SVOPL: variants seen among roughly 807,000 people sequenced by gnomAD.
The protein encoded by SVOPL is SVOP like, also known as putative transporter SVOPL.
In SVOPL, 60 loss-of-function variants were observed where a neutral mutation model predicts 61.0. The ratio of observed to expected loss-of-function variants is 0.98; its 90% CI spans 0.80 to 1.22. The LOEUF (loss-of-function observed/expected upper bound fraction) is 1.22, where lower values mean the gene tolerates loss of function less well. SVOPL is among the 50% of genes most tolerant of loss of function. SVOPL has a pLI of 0.00. For missense variants in SVOPL, 662 were observed against 643.9 expected (o/e 1.03, Z -0.30); for synonymous variants, 279 against 250.0 (o/e 1.12, Z -1.09).
intron 12 of SVOPL, 89 bp downstream of exon 12, chr7:138,627,261 C>A: frequency 1.0e-6 from 1 of 973,870 alleles, no homozygotes; most frequent in Non-Finnish European, 1.6e-6. Context: ...GTGAAAGTGA[C>A]TTGTCCCTGA....
At chr7:138,608,339 TA>T (rs1296458931) in intron 14 of SVOPL, among the ~76,000 whole-genome samples, 1 of 152,040 alleles carries the variant, frequency 6.6e-6, no homozygotes, top group Non-Finnish European at 1.5e-5. Flanking sequence ...ATTAGAGTAA[TA>T]AAAAGAACAT....
chr7:138,624,890 T>C (rs900653586), intron 13 of SVOPL, among the ~76,000 whole-genome samples: 1 of 151,916 alleles, frequency 6.6e-6, no homozygotes. Context: ...TTTGTGGAGA[T>C]GGCATTTTGG....
chr7:138,627,168 C>CT (rs1799928455), intron 12 of SVOPL, among the ~76,000 whole-genome samples, 182 bp downstream of exon 12: 1 of 152,092 alleles, frequency 6.6e-6, no homozygotes. Context: ...AAGATGGGGT[C>CT]TGTAGGAAGA....
At chr7:138,686,496 G>A (rs957436514) in intron 1 of SVOPL, among the ~76,000 whole-genome samples, 3 of 149,774 alleles carry the variant, frequency 2.0e-5, no homozygotes, top group Admixed American at 1.3e-4. Context: ...TGGCTCTGTA[G>A]TTCCTGTGGA....
chr7:138,695,963 G>A (rs796296191), intron 1 of SVOPL, among the ~76,000 whole-genome samples: 1 of 151,906 alleles, frequency 6.6e-6, no homozygotes, highest in South Asian at 2.1e-4. Context: ...TGTATTTTTA[G>A]TAGAGACAGG....
chr7:138,637,620 A>G (rs544378207), intron 9 of SVOPL, among the ~76,000 whole-genome samples: 105 of 152,126 alleles, frequency 6.9e-4, no homozygotes, highest in African/African-American at 2.5e-3. Context: ...CTTGTACCCA[A>G]TTAAACCCAC....
intron 14 of SVOPL, among the ~76,000 whole-genome samples, chr7:138,603,361 A>G (rs1798610516): frequency 6.6e-6 from 1 of 152,144 alleles, no homozygotes; most frequent in Admixed American, 6.5e-5. Context: ...ACCTGCTGAC[A>G]CTGAATAGGG....
At chr7:138,686,426 A>G (rs1033445248) in intron 1 of SVOPL, among the ~76,000 whole-genome samples, 5 of 147,674 alleles carry the variant, frequency 3.4e-5, no homozygotes, top group Middle Eastern at 3.6e-3. Context: ...AAAAAAAAAA[A>G]AAGAAGCCAG....
chr7:138,641,937 A>ATT lies in SVOPL; in HGVS notation c.789+2779_789+2780insAA, dbSNP rs1563112405. On this transcript the variant is annotated intron_variant, in intron 9 of 15. Transcript: ENST00000674285. ...TATATGTATGTGTATACACACACAC[A>ATT]CACACACACACACGTACATATATAC... Among the ~76,000 whole-genome samples the ATT allele has an allele frequency of 1.9e-4, 28 of 147,560 alleles. 1 individual carries two copies. The highest frequency in any genetic ancestry group is 6.7e-4 in the African/African-American group (27 of 40,282).
Position 138,649,139 on chromosome 7 carries a change from T to C in SVOPL, c.535-2A>G. 6.2e-7 allele frequency: 1 copy of C among 1,607,962 alleles called. No homozygotes were observed. The highest frequency in any genetic ancestry group is 1.7e-5 in the Admixed American group (1 of 58,858). ...CAGGGAGCCCGCAAGCCAGAACACC[T>C]AGGAAGAGAGAAGTCCAGGATTAAA... On this transcript the variant is annotated splice_acceptor_variant, in intron 7 of 15. Transcript: ENST00000674285. LOFTEE classifies it high-confidence loss of function.
chr7:138,670,034 C>T (rs1802376584), intron 4 of SVOPL, among the ~76,000 whole-genome samples: 1 of 152,176 alleles, frequency 6.6e-6, no homozygotes, highest in Non-Finnish European at 1.5e-5. Flanking sequence ...AGAACACACA[C>T]CCTCACTCTA....
At position 138,659,961 on chromosome 7, in the gene SVOPL, C is replaced by G; in HGVS notation, c.373G>C (p.Ala125Pro). Residue 125 changes from alanine (A) to proline (P), a missense_variant, in exon 6 of 16, where the codon GCC becomes CCC. By Grantham distance (27) the Ala-to-Pro change is conservative. Transcript: ENST00000674285. ...KILLISFLWGAYFSLLTSFAP... is the reference protein window; with the variant it reads ...KILLISFLWGPYFSLLTSFAP... Reference sequence around the variant, plus strand: ...AACGAGGTCAGCAAGGAGAAATAGGCTCCCCACAGGAACGAGATGAGCAGA... The same window carrying G: ...AACGAGGTCAGCAAGGAGAAATAGGGTCCCCACAGGAACGAGATGAGCAGA... 5 of 1,551,556 alleles carry G rather than the reference C, an allele frequency of 3.2e-6. No individual in the cohort carries two copies. The highest frequency in any genetic ancestry group is 4.4e-6 in the Non-Finnish European group (5 of 1,146,978).
chr7:138,600,933 A>G (rs1798489513), intron 14 of SVOPL, among the ~76,000 whole-genome samples: 1 of 152,134 alleles, frequency 6.6e-6, no homozygotes, highest in African/African-American at 2.4e-5. Context: ...CAGAGGATTC[A>G]GCAATCCCTC....
chr7:138,617,465 C>T (rs1167692066), intron 14 of SVOPL, among the ~76,000 whole-genome samples: 7 of 152,216 alleles, frequency 4.6e-5, no homozygotes, highest in Non-Finnish European at 7.3e-5. Flanking sequence ...AGGAAGAACT[C>T]ATCTCCCAGT....
At chr7:138,595,388 G>T (rs965392319) in intron 15 of SVOPL, among the ~76,000 whole-genome samples, 10 of 152,082 alleles carry the variant, frequency 6.6e-5, no homozygotes, top group Non-Finnish European at 1.0e-4. Flanking sequence ...CCAGACAATT[G>T]TATGTATTGA....
intron 9 of SVOPL, among the ~76,000 whole-genome samples, chr7:138,644,126 G>A (rs1044576236): frequency 5.4e-5 from 8 of 147,436 alleles, no homozygotes; most frequent in African/African-American, 2.0e-4. Flanking sequence ...ACTTGAACCC[G>A]GGAGGTAGAG....
At chr7:138,696,414 G>T (rs1310933413) in intron 1 of SVOPL, among the ~76,000 whole-genome samples, 2 of 151,528 alleles carry the variant, frequency 1.3e-5, no homozygotes, top group South Asian at 2.1e-4. Flanking sequence ...TGTTGTTGTT[G>T]TTTGTTGTTG....
At chr7:138,610,710 A>G (rs1798960954) in intron 14 of SVOPL, among the ~76,000 whole-genome samples, 1 of 152,302 alleles carries the variant, frequency 6.6e-6, no homozygotes, top group African/African-American at 2.4e-5. Flanking sequence ...CTTAAACACT[A>G]ACGTAGTTTC....
In SVOPL at chr7:138,646,649, G is replaced by A. The variant is rs1032193481; in HGVS notation, c.661-1804C>T. Among the ~76,000 whole-genome samples the A allele has an allele frequency of 5.3e-5, 8 of 152,226 alleles. No homozygotes were observed. The East Asian group carries it at 1.5e-3, about 29-fold the overall frequency. On this transcript the variant is annotated intron_variant, in intron 8 of 15. Transcript: ENST00000674285. ...CCCTCCCATCTCAGCCTCCTGAGTA[G>A]CTGGGACCACAGGCACGGACCACAA...
Sources: allele counts gnomAD v4.1 joint callset (sites outside exome capture counted in the v4.1 genomes callset), GRCh38; gene constraint gnomAD v4.1.1; transcripts MANE v1.5; gene names NCBI Gene and HGNC (gene_info 2026-07-23, HGNC 2026-07-21).